Variants in ZRANB1 observed in about 807,000 individuals in gnomAD.
The protein encoded by ZRANB1 is zinc finger RANBP2-type containing 1.
In ZRANB1, 16 loss-of-function variants were observed where a neutral mutation model predicts 80.5. That is an observed-to-expected ratio of 0.20 (90% CI 0.13 to 0.30). ZRANB1 has a LOEUF of 0.30. Among genes scored for constraint, ZRANB1 ranks in the 10% least tolerant of loss-of-function variants. The pLI is 1.00. For synonymous variants in ZRANB1, 291 were observed against 293.1 expected (o/e 0.99, Z 0.07); for missense variants, 576 against 862.6 (o/e 0.67, Z 4.16).
chr10:124,928,872 A>T, the ZRANB1 span, among the ~76,000 whole-genome samples: 20 of 152,272 alleles, frequency 1.3e-4, no homozygotes, highest in African/African-American at 4.8e-4. Context: ...AATGACAAGA[A>T]TGATGTGGAA....
the ZRANB1 span, among the ~76,000 whole-genome samples, chr10:124,923,324 T>C: frequency 1.7e-4 from 26 of 152,094 alleles, no homozygotes; most frequent in African/African-American, 6.3e-4. Flanking sequence ...CCAGGTGCTG[T>C]GGCTCATACC....
In ZRANB1 at chr10:124,985,777, C is replaced by G. The variant is rs1465018138; in HGVS notation, c.*785C>G. 4 of 152,004 alleles carry G rather than the reference C, an allele frequency of 2.6e-5. No individual in the cohort carries two copies. The highest frequency in any genetic ancestry group is 5.9e-5 in the Non-Finnish European group (4 of 67,986). 9.4% of individuals were successfully genotyped at this position (152,004 alleles called of 1,614,324 possible). On this transcript the variant is annotated 3_prime_UTR_variant, in exon 9 of 9. Coordinates refer to ENST00000359653, the MANE Select transcript of ZRANB1 (RefSeq NM_017580.3). ...CAGTGGTCTGTGAGTAGTTTTTTTCCTGGATGAAAAGGGAGCAAGCCCACT... is the reference window on the plus strand; with the variant it reads ...CAGTGGTCTGTGAGTAGTTTTTTTCGTGGATGAAAAGGGAGCAAGCCCACT...
chr10:124,979,897 A>G (rs911446540), intron 5 of ZRANB1, among the ~76,000 whole-genome samples: 1 of 152,230 alleles, frequency 6.6e-6, no homozygotes, highest in Admixed American at 6.5e-5. Context: ...GGCTATCGTT[A>G]TGTCATTACC....
the ZRANB1 span, among the ~76,000 whole-genome samples, chr10:124,921,161 A>G: frequency 6.6e-6 from 1 of 152,206 alleles, no homozygotes; most frequent in Non-Finnish European, 1.5e-5. Context: ...TCTCTGGTTT[A>G]CTTCAGATTT....
intron 1 of ZRANB1, chr10:124,945,544 G>C (rs1025988373): frequency 6.6e-6 from 1 of 150,740 alleles, no homozygotes; most frequent in Non-Finnish European, 1.5e-5. Flanking sequence ...TAACCTCACA[G>C]TGAAGGTCAC....
the ZRANB1 span, among the ~76,000 whole-genome samples, chr10:124,929,676 C>T: frequency 2.0e-5 from 3 of 151,236 alleles, no homozygotes; most frequent in Non-Finnish European, 3.0e-5. Context: ...GGCTGGGCGC[C>T]GTGGCTCATG....
chr10:124,975,479 C>T (rs1951868480), intron 5 of ZRANB1, among the ~76,000 whole-genome samples: 1 of 152,320 alleles, frequency 6.6e-6, no homozygotes, highest in South Asian at 2.1e-4. Context: ...TTCATAATCA[C>T]ATTTCTTCAA....
At chr10:124,962,443 C>G in intron 1 of ZRANB1, 1 of 975,030 alleles carries the variant, frequency 1.0e-6, no homozygotes, top group Non-Finnish European at 1.2e-6. Context: ...ATTTGGCATT[C>G]TTTTCAAAGT....
intron 1 of ZRANB1, among the ~76,000 whole-genome samples, chr10:124,964,419 C>G (rs2134278670): frequency 6.6e-6 from 1 of 152,276 alleles, no homozygotes. Flanking sequence ...TTCTAGACTT[C>G]AGCTATATGG....
At chr10:124,937,405 T>G (rs1235089850), upstream of ZRANB1, among the ~76,000 whole-genome samples, 1 of 151,784 alleles carries the variant, frequency 6.6e-6, no homozygotes, top group African/African-American at 2.4e-5. Flanking sequence ...AGGCTGGTCT[T>G]GAACTCCTGA....
intron 3 of ZRANB1, among the ~76,000 whole-genome samples, chr10:124,973,124 C>A (rs183554669): frequency 6.6e-6 from 1 of 151,968 alleles, no homozygotes; most frequent in Non-Finnish European, 1.5e-5. Context: ...TAAGCTTACC[C>A]CAGAATGATT....
intron 1 of ZRANB1, among the ~76,000 whole-genome samples, chr10:124,954,989 C>T (rs917414759): frequency 1.3e-3 from 202 of 150,712 alleles, no homozygotes; most frequent in African/African-American, 4.6e-3. Context: ...ATTAGCCGGG[C>T]GTGGTGGCAG....
chr10:124,974,788 T>C (rs540473543), intron 5 of ZRANB1, among the ~76,000 whole-genome samples: 39 of 152,296 alleles, frequency 2.6e-4, no homozygotes, highest in Non-Finnish European at 4.4e-4. Flanking sequence ...AGGGATTGAT[T>C]GACTGATTGA....
the ZRANB1 span, among the ~76,000 whole-genome samples, chr10:124,919,403 C>G: frequency 6.6e-6 from 1 of 151,926 alleles, no homozygotes; most frequent in South Asian, 2.1e-4. Context: ...GAAAATTTGC[C>G]GGGTATGGTG....
chr10:124,966,477 C>T lies in ZRANB1; in HGVS notation c.815-117C>T. ...ACTCTTATAGGACATTTAAATGATG[C>T]ATCAGGATCCAGGAAGCACAGAGAA... On this transcript the variant is annotated intron_variant, in intron 1 of 8. Coordinates refer to ENST00000359653, the MANE Select transcript of ZRANB1 (RefSeq NM_017580.3). 3.2e-6 allele frequency: 3 copies of T among 948,194 alleles called. No individual in the cohort carries two copies. The African/African-American group carries it at 4.9e-5, about 16-fold the overall frequency. 58.7% of individuals were successfully genotyped at this position (948,194 alleles called of 1,614,324 possible). A position where few individuals can be genotyped will look rare whatever the true frequency, so the allele number is the denominator to read the frequency against.
At chr10:124,948,193 A>C (rs952626648) in intron 1 of ZRANB1, among the ~76,000 whole-genome samples, 1 of 152,172 alleles carries the variant, frequency 6.6e-6, no homozygotes, top group African/African-American at 2.4e-5. Flanking sequence ...ATGATGAGCC[A>C]CTTTGACTTA....
upstream of ZRANB1, chr10:124,940,546 TAGTA>T: frequency 7.8e-7 from 1 of 1,289,034 alleles, no homozygotes; most frequent in Non-Finnish European, 1.0e-6. Flanking sequence ...ACTAAAATCT[TAGTA>T]AGTGTGGTTT....
intron 5 of ZRANB1, among the ~76,000 whole-genome samples, chr10:124,979,661 TAGGTCATTTTTGTTTTACATTTTG>T (rs1455399412): frequency 2.0e-5 from 3 of 152,376 alleles, no homozygotes; most frequent in South Asian, 2.1e-4. Context: ...CTTTTACATT[TAGGTCATTTTTGTTTTACATTTTG>T]AGGTCATTTT....
upstream of ZRANB1, among the ~76,000 whole-genome samples, chr10:124,938,114 T>A (rs1021903100): frequency 1.3e-5 from 2 of 152,240 alleles, no homozygotes; most frequent in Non-Finnish European, 2.9e-5. Context: ...TTTGGTAAGT[T>A]TTATTTCAAG....
Sources: allele counts gnomAD v4.1 joint callset (sites outside exome capture counted in the v4.1 genomes callset), GRCh38; gene constraint gnomAD v4.1.1; transcripts MANE v1.5; gene names NCBI Gene and HGNC (gene_info 2026-07-23, HGNC 2026-07-21).